Variants in CSMD2 observed in about 807,000 individuals in gnomAD.
CSMD2 encodes CUB and Sushi multiple domains 2.
In CSMD2, 130 loss-of-function variants were observed where a neutral mutation model predicts 398.5. The ratio of observed to expected loss-of-function variants is 0.33; its 90% CI spans 0.28 to 0.38. The LOEUF is 0.38. Ranked by LOEUF, CSMD2 falls within the 10% of genes least tolerant of loss-of-function variation. The pLI is 1.00. For synonymous variants in CSMD2, 1,828 were observed against 1,908.5 expected (o/e 0.96, Z 1.10); for missense variants, 3,829 against 4,764.9 (o/e 0.80, Z 5.78).
chr1:34,148,487 T>C (rs955571430), intron 1 of CSMD2, among the ~76,000 whole-genome samples: 18 of 151,726 alleles, frequency 1.2e-4, no homozygotes, highest in African/African-American at 4.4e-4. Context: ...CCACTTGACG[T>C]GTAATTCATT....
chr1:33,820,582 A>AAC lies in CSMD2; in HGVS notation c.1112-27_1112-26insGT, dbSNP rs778563500. 1.3e-4 allele frequency: 146 copies of AAC among 1,160,042 alleles called. 1 individual carries two copies. The East Asian group carries it at 3.4e-3, about 27-fold the overall frequency. The allele number at this position is 1,160,042 out of a possible 1,614,324, so 71.9% of individuals were successfully genotyped here. On this transcript the variant is annotated intron_variant, in intron 7 of 70. Coordinates refer to ENST00000373381, the MANE Select transcript of CSMD2 (RefSeq NM_001281956.2). ...CTACAAGGCAAAAAAAAAAAAAAAAAAAAAAACAGCACACACAGAGATGGA... is the reference window on the plus strand; with the variant it reads ...CTACAAGGCAAAAAAAAAAAAAAAAAACAAAAAACAGCACACACAGAGATGGA...
At chr1:33,975,515 G>A (rs1055836760) in intron 3 of CSMD2, among the ~76,000 whole-genome samples, 7 of 70,630 alleles carry the variant, frequency 9.9e-5, no homozygotes, top group African/African-American at 3.6e-4. Flanking sequence ...ACACACACAA[G>A]TGCATAAATG....
chr1:33,575,103 G>A (rs938259447), intron 49 of CSMD2, among the ~76,000 whole-genome samples: 1 of 152,194 alleles, frequency 6.6e-6, no homozygotes, highest in Non-Finnish European at 1.5e-5. Context: ...CCCAAAACCC[G>A]GTGGTAAGAG....
intron 5 of CSMD2, among the ~76,000 whole-genome samples, chr1:33,904,225 C>T (rs1170645779): frequency 2.0e-5 from 3 of 152,168 alleles, no homozygotes; most frequent in Non-Finnish European, 2.9e-5. Flanking sequence ...ACAAGGCCCC[C>T]GAGCAGCCCA....
chr1:34,154,691 A>C (rs968301623), intron 1 of CSMD2, among the ~76,000 whole-genome samples: 3 of 151,750 alleles, frequency 2.0e-5, no homozygotes, highest in African/African-American at 7.3e-5. Context: ...ATACATATAC[A>C]TACAAACAAC....
intron 6 of CSMD2, among the ~76,000 whole-genome samples, chr1:33,841,662 C>T (rs561074991): frequency 6.6e-6 from 1 of 151,618 alleles, no homozygotes; most frequent in African/African-American, 2.4e-5. Flanking sequence ...CCTTAAGGAA[C>T]TTTAAAGTCT....
intron 66 of CSMD2, 34 bp downstream of exon 66, chr1:33,524,848 C>T (rs1386116727): frequency 1.2e-6 from 2 of 1,608,178 alleles, no homozygotes; most frequent in Non-Finnish European, 8.5e-7. Context: ...GCCCATCCAT[C>T]CTCCCGGCTT....
intron 40 of CSMD2, among the ~76,000 whole-genome samples, chr1:33,613,914 A>G (rs1641210423): frequency 6.6e-6 from 1 of 152,144 alleles, no homozygotes; most frequent in Non-Finnish European, 1.5e-5. Context: ...ACAACCTCCC[A>G]TGCCTAGCAT....
At chr1:33,974,339 G>A (rs1645881331) in intron 3 of CSMD2, among the ~76,000 whole-genome samples, 1 of 152,210 alleles carries the variant, frequency 6.6e-6, no homozygotes, top group Admixed American at 6.5e-5. Context: ...AGCATACAGA[G>A]GAGATTCCTC....
chr1:33,982,529 T>C (rs1389600702), intron 3 of CSMD2, among the ~76,000 whole-genome samples: 1 of 152,126 alleles, frequency 6.6e-6, no homozygotes, highest in African/African-American at 2.4e-5. Context: ...TTTAAATGAG[T>C]TGATGAATCT....
intron 2 of CSMD2, among the ~76,000 whole-genome samples, chr1:34,076,299 A>G (rs1440940206): frequency 6.6e-6 from 1 of 152,248 alleles, no homozygotes; most frequent in Non-Finnish European, 1.5e-5. Flanking sequence ...AAGTTCACAG[A>G]CATAGAAAGA....
intron 13 of CSMD2, among the ~76,000 whole-genome samples, chr1:33,745,462 G>A (rs1647271775): frequency 6.6e-6 from 1 of 152,128 alleles, no homozygotes; most frequent in African/African-American, 2.4e-5. Flanking sequence ...ATTTAAGTGA[G>A]TAAAATATTT....
At chr1:33,848,892 A>G (rs1018616884) in intron 5 of CSMD2, among the ~76,000 whole-genome samples, 1 of 151,982 alleles carries the variant, frequency 6.6e-6, no homozygotes, top group Non-Finnish European at 1.5e-5. Flanking sequence ...GGGAAGTAGA[A>G]GTAGGGAGAA....
At chr1:34,165,716 A>T (rs1157843894), upstream of CSMD2, 2 of 1,608,980 alleles carry the variant, frequency 1.2e-6, no homozygotes, top group Non-Finnish European at 1.7e-6. Context: ...GTAACCAAAG[A>T]AGGACGCGTT....
intron 2 of CSMD2, among the ~76,000 whole-genome samples, chr1:34,035,101 A>G (rs1244148615): frequency 6.6e-6 from 1 of 152,200 alleles, no homozygotes. Context: ...ACACACATGC[A>G]TTTCACACAT....
At chr1:33,904,570 T>C (rs1642963027) in intron 5 of CSMD2, among the ~76,000 whole-genome samples, 1 of 151,878 alleles carries the variant, frequency 6.6e-6, no homozygotes, top group South Asian at 2.1e-4. Context: ...GTACTAGAGA[T>C]AGATAGTGGT....
intron 1 of CSMD2, among the ~76,000 whole-genome samples, chr1:34,092,793 T>C (rs542314341): frequency 6.6e-6 from 1 of 152,014 alleles, no homozygotes; most frequent in Admixed American, 6.5e-5. Flanking sequence ...AGCACAGCAG[T>C]CTGAGATCAA....
Position 33,518,166 on chromosome 1 carries a change from G to A in CSMD2, c.*53+1299C>T, listed in dbSNP as rs963823797. On this transcript the variant is annotated intron_variant, in intron 70 of 70. Transcript: ENST00000373381. The surrounding 1 kb of genome is among the most constrained non-coding windows in gnomAD (Gnocchi z 4.3). ...GAGTCCTTCAGCACAGGACCTGAGA[G>A]GGGGCACCTGCCTATCCCCAGAAAG... Among the ~76,000 whole-genome samples, 1 of 152,262 alleles carries A rather than the reference G, an allele frequency of 6.6e-6. No homozygotes were observed. Among genetic ancestry groups the A allele is most frequent in the Non-Finnish European group, 1.5e-5 (1 of 68,040 alleles).
chr1:33,922,221 G>A (rs1016970886), intron 4 of CSMD2, among the ~76,000 whole-genome samples: 12 of 152,162 alleles, frequency 7.9e-5, no homozygotes, highest in Non-Finnish European at 1.2e-4. Flanking sequence ...AGAGAGGGAA[G>A]CTCCCACCAC....
Sources: gnomAD v4.1 joint callset for allele counts (sites outside exome capture counted in the v4.1 genomes callset) on GRCh38, gnomAD v4.1.1 for gene constraint, Gnocchi (gnomAD v3.1) non-coding constraint, MANE v1.5 for transcripts, NCBI Gene and HGNC (gene_info 2026-07-23, HGNC 2026-07-21) for gene names.